The following CCDC141 variants were observed in gnomAD, a reference collection of about 807,000 sequenced individuals.
CCDC141 encodes coiled-coil domain-containing protein 141.
CCDC141 carries 168 observed loss-of-function variants against 181.0 expected under a neutral mutation model. That is an observed-to-expected ratio of 0.93 (90% CI 0.82 to 1.05). CCDC141 has a LOEUF of 1.05. Among genes scored for constraint, CCDC141 ranks in the 50% least tolerant of loss-of-function variants. CCDC141 has a pLI of 0.00. For synonymous variants in CCDC141, 666 were observed against 642.3 expected (o/e 1.04, Z -0.56); for missense variants, 1,902 against 1,788.5 (o/e 1.06, Z -1.14).
chr2:178,873,121 C>T (rs995655233), intron 12 of CCDC141: 2 of 152,140 alleles, frequency 1.3e-5, no homozygotes, highest in Admixed American at 6.5e-5. Flanking sequence ...AATAGCCAGG[C>T]TTTCTCAATA....
chr2:178,831,312 T>C lies in CCDC141; in HGVS notation c.*2861A>G, dbSNP rs758676201. On this transcript the variant is annotated 3_prime_UTR_variant, in exon 24 of 24. Coordinates refer to ENST00000443758, the MANE Select transcript of CCDC141 (RefSeq NM_173648.4). ...TTATGAAAACTTAAAAACATTTTGTTTTGCAGTTCTTCAAAGTATCAAGTA... is the reference window on the plus strand; with the variant it reads ...TTATGAAAACTTAAAAACATTTTGTCTTGCAGTTCTTCAAAGTATCAAGTA... 3 of 152,100 alleles carry C rather than the reference T, an allele frequency of 2.0e-5. No individual in the cohort carries two copies. The highest frequency in any genetic ancestry group is 2.9e-5 in the Non-Finnish European group (2 of 68,010). 9.4% of individuals were successfully genotyped at this position (152,100 alleles called of 1,614,324 possible). A position where few individuals can be genotyped will look rare whatever the true frequency, so the allele number is the denominator to read the frequency against.
chr2:178,902,816 G>A (rs1647266978), intron 8 of CCDC141, among the ~76,000 whole-genome samples: 2 of 149,448 alleles, frequency 1.3e-5, no homozygotes, highest in African/African-American at 4.9e-5. Context: ...AGAGTGAACA[G>A]GCAACCTACA....
intron 2 of CCDC141, among the ~76,000 whole-genome samples, chr2:179,045,734 G>A (rs1337539073): frequency 1.3e-5 from 2 of 152,084 alleles, no homozygotes; most frequent in African/African-American, 2.4e-5. Context: ...TCTCATTGTG[G>A]TTTTGATTTG....
intron 17 of CCDC141, among the ~76,000 whole-genome samples, chr2:178,861,940 C>T (rs999340220): frequency 2.6e-5 from 4 of 152,218 alleles, no homozygotes; most frequent in African/African-American, 4.8e-5. Context: ...GTTTTGCCGT[C>T]TGTGCAAACT....
In CCDC141 at chr2:178,867,970, C is replaced by G. The variant is rs199999416; in HGVS notation, c.2574+56G>C. The G allele has an allele frequency of 7.7e-6, 11 of 1,424,090 alleles. No homozygotes were observed. The East Asian group carries it at 9.3e-5, about 12-fold the overall frequency. 88.2% of individuals were successfully genotyped at this position (1,424,090 alleles called of 1,614,324 possible). ...CAATCTGCCTGGTTTCTTTCATATG[C>G]TAGCCCAAGCCCCAGCTAGAACTGA... is the stretch of plus-strand genomic sequence containing the variant. On this transcript the variant is annotated intron_variant, in intron 16 of 23. Transcript: ENST00000443758.
chr2:178,975,234 C>A, intron 3 of CCDC141, 69 bp from the exon 4 acceptor site: 2 of 781,100 alleles, frequency 2.6e-6, no homozygotes, highest in South Asian at 4.0e-5. Flanking sequence ...TGTTAGTTAC[C>A]TGGAGATGTT....
intron 2 of CCDC141, among the ~76,000 whole-genome samples, chr2:179,014,340 C>T (rs984823187): frequency 6.6e-6 from 1 of 152,068 alleles, no homozygotes. Flanking sequence ...ACTGGAAAAA[C>T]CCTTCTAGAC....
At chr2:178,885,666 G>A (rs1274723020) in intron 10 of CCDC141, among the ~76,000 whole-genome samples, 1 of 152,106 alleles carries the variant, frequency 6.6e-6, no homozygotes, top group African/African-American at 2.4e-5. Context: ...TTTCTTCTGA[G>A]TGTAATTTCT....
the CCDC141 span, chr2:178,817,822 C>A: frequency 2.1e-5 from 6 of 281,670 alleles, no homozygotes; most frequent in African/African-American, 1.5e-4. Context: ...TCCCTTCTTT[C>A]AATGGAGTCT....
At chr2:178,943,736 G>T (rs1689615741) in intron 6 of CCDC141, among the ~76,000 whole-genome samples, 1 of 152,048 alleles carries the variant, frequency 6.6e-6, no homozygotes. Context: ...CCTCTGTAAA[G>T]AATTTTGGAA....
At chr2:179,015,104 A>T (rs1272968009) in intron 2 of CCDC141, among the ~76,000 whole-genome samples, 2 of 16,118 alleles carry the variant, frequency 1.2e-4, no homozygotes, top group Admixed American at 4.0e-4. Context: ...ATATATATAT[A>T]ATATATATAT....
intron 2 of CCDC141, among the ~76,000 whole-genome samples, chr2:179,036,500 C>G (rs1011454133): frequency 6.6e-6 from 1 of 152,200 alleles, no homozygotes; most frequent in African/African-American, 2.4e-5. Context: ...CCTTGGACCA[C>G]TGCACTGCTC....
chr2:178,868,670 G>A (rs947178143), intron 15 of CCDC141, among the ~76,000 whole-genome samples: 1 of 146,944 alleles, frequency 6.8e-6, no homozygotes, highest in African/African-American at 2.5e-5. Flanking sequence ...GAATTGAATT[G>A]GGGCGGGGGA....
intron 9 of CCDC141, among the ~76,000 whole-genome samples, chr2:178,887,317 C>T (rs911733590): frequency 1.2e-4 from 18 of 152,128 alleles, no homozygotes; most frequent in Admixed American, 9.2e-4. Flanking sequence ...TCTGGGGGAG[C>T]ACCAAACCCT....
chr2:179,033,183 C>T (rs977478263), intron 2 of CCDC141, among the ~76,000 whole-genome samples: 4 of 151,708 alleles, frequency 2.6e-5, no homozygotes, highest in Non-Finnish European at 4.4e-5. Flanking sequence ...GTTGGTTCTT[C>T]ACATCCACAT....
At chr2:178,845,601 G>T in intron 22 of CCDC141, 25 bp downstream of exon 22, 3 of 1,274,394 alleles carry the variant, frequency 2.4e-6, no homozygotes, top group Non-Finnish European at 3.4e-6. Context: ...GTCCTCAATA[G>T]CTGAGGTTAA....
intron 4 of CCDC141, among the ~76,000 whole-genome samples, chr2:178,969,393 A>T (rs1690782720): frequency 6.6e-6 from 1 of 152,154 alleles, no homozygotes; most frequent in African/African-American, 2.4e-5. Flanking sequence ...CTGGCAAACC[A>T]AATCCAGCAG....
At chr2:178,892,374 T>C (rs1035329147) in intron 8 of CCDC141, among the ~76,000 whole-genome samples, 2 of 152,154 alleles carry the variant, frequency 1.3e-5, no homozygotes, top group Non-Finnish European at 2.9e-5. Flanking sequence ...TTGGTTACTC[T>C]AGCCAGTTCC....
chr2:178,987,240 G>A (rs1157387160), intron 2 of CCDC141, among the ~76,000 whole-genome samples: 1 of 151,008 alleles, frequency 6.6e-6, no homozygotes, highest in Non-Finnish European at 1.5e-5. Flanking sequence ...TTTAATAAAT[G>A]GTGCTGGGAA....
Sources: gnomAD v4.1 joint callset for allele counts (sites outside exome capture counted in the v4.1 genomes callset) on GRCh38, gnomAD v4.1.1 for gene constraint, MANE v1.5 for transcripts, NCBI Gene and HGNC (gene_info 2026-07-23, HGNC 2026-07-21) for gene names.